VAV3: variants seen among roughly 807,000 people sequenced by gnomAD.
The protein encoded by VAV3 is guanine nucleotide exchange factor VAV3.
A neutral mutation model predicts 131.2 loss-of-function variants in VAV3; 94 were observed. The ratio of observed to expected loss-of-function variants is 0.72; its 90% CI spans 0.61 to 0.85. VAV3 has a LOEUF of 0.85. VAV3 is among the 40% of genes least tolerant of loss of function. The pLI, the probability that VAV3 is intolerant of heterozygous loss-of-function variation, is 0.00. For synonymous variants in VAV3, 349 were observed against 342.0 expected, an observed-to-expected ratio of 1.02 and a Z score of -0.22; for missense variants, 939 against 1,002.7, an observed-to-expected ratio of 0.94 and a Z score of 0.86.
At chr1:107,782,239 A>C (rs1178190083) in intron 2 of VAV3, among the ~76,000 whole-genome samples, 1 of 152,206 alleles carries the variant, frequency 6.6e-6, no homozygotes, top group Non-Finnish European at 1.5e-5. Flanking sequence ...TTACTCCTTG[A>C]GGATATTTTC....
chr1:107,902,570 T>C (rs1671912913), intron 1 of VAV3, among the ~76,000 whole-genome samples: 1 of 152,214 alleles, frequency 6.6e-6, no homozygotes. Flanking sequence ...CTCCATAATA[T>C]GCATTTATTC....
chr1:107,712,129 C>T (rs1660824331), intron 15 of VAV3, among the ~76,000 whole-genome samples: 1 of 152,200 alleles, frequency 6.6e-6, no homozygotes, highest in Non-Finnish European at 1.5e-5. Flanking sequence ...TACTCTCTCT[C>T]ACACGCACAC....
At chr1:107,732,515 T>C (rs1557802487) in intron 15 of VAV3, among the ~76,000 whole-genome samples, 1 of 152,200 alleles carries the variant, frequency 6.6e-6, no homozygotes, top group African/African-American at 2.4e-5. Flanking sequence ...GCCTTAATAC[T>C]ACGCTTTTCC....
chr1:107,655,054 T>C (rs1206706378), intron 19 of VAV3, among the ~76,000 whole-genome samples: 1 of 152,046 alleles, frequency 6.6e-6, no homozygotes, highest in East Asian at 1.9e-4. Flanking sequence ...AATAAAACTT[T>C]TATTTCTGCC....
intron 20 of VAV3, among the ~76,000 whole-genome samples, chr1:107,622,581 C>G (rs1653689487): frequency 6.6e-6 from 1 of 152,118 alleles, no homozygotes. Flanking sequence ...TAGCACTGAA[C>G]AATTTGAAAC....
chr1:107,783,617 C>T lies in VAV3; in HGVS notation c.322-4125G>A, dbSNP rs559276338. Among the ~76,000 whole-genome samples, 5 of 152,222 alleles carry T rather than the reference C, an allele frequency of 3.3e-5. No individual in the cohort carries two copies. The South Asian group carries it at 8.3e-4, about 25-fold the overall frequency. ...CATGGTGGACATGTACCATCCTGAACCCAGTGAGGCCACCCACTCCTCCAC... is the reference window on the plus strand; with the variant it reads ...CATGGTGGACATGTACCATCCTGAATCCAGTGAGGCCACCCACTCCTCCAC... On this transcript the variant is annotated intron_variant, in intron 2 of 26. Transcript: ENST00000370056.
chr1:107,622,694 C>A (rs1047592006), intron 20 of VAV3, among the ~76,000 whole-genome samples: 2 of 152,138 alleles, frequency 1.3e-5, no homozygotes, highest in African/African-American at 2.4e-5. Context: ...AATGTATGCA[C>A]GATGGTGCTG....
intron 25 of VAV3, among the ~76,000 whole-genome samples, chr1:107,590,165 G>T (rs1558070553): frequency 2.0e-5 from 3 of 152,152 alleles, no homozygotes; most frequent in Non-Finnish European, 4.4e-5. Context: ...AGTAGCCTTT[G>T]TCAATCTTTG....
chr1:107,828,995 T>C (rs1042139146), intron 2 of VAV3, among the ~76,000 whole-genome samples: 1 of 152,174 alleles, frequency 6.6e-6, no homozygotes, highest in Admixed American at 6.5e-5. Flanking sequence ...GGTGAGTAAA[T>C]GTCAAGAATT....
intron 1 of VAV3, among the ~76,000 whole-genome samples, chr1:107,941,206 C>A (rs1024292326): frequency 1.3e-5 from 2 of 152,142 alleles, no homozygotes; most frequent in African/African-American, 4.8e-5. Flanking sequence ...CTTTCTTTCC[C>A]AGCCCGCACA....
chr1:107,656,536 A>G (rs979466068), intron 19 of VAV3, among the ~76,000 whole-genome samples: 3 of 152,164 alleles, frequency 2.0e-5, no homozygotes, highest in Non-Finnish European at 2.9e-5. Context: ...CTGATGTTCA[A>G]TAGATCAGTA....
intron 18 of VAV3, 58 bp downstream of exon 18, chr1:107,688,323 G>A: frequency 6.3e-7 from 1 of 1,583,836 alleles, no homozygotes; most frequent in African/African-American, 1.4e-5. Context: ...GCCTGGTTAA[G>A]TTAGCAAACA....
Position 107,751,682 on chromosome 1 carries a change from C to T in VAV3, c.1174-480G>A, listed in dbSNP as rs763046810. On this transcript the variant is annotated intron_variant, in intron 12 of 26. Coordinates refer to ENST00000370056, the MANE Select transcript of VAV3 (RefSeq NM_006113.5). ...AGGAGTACAGAAAGGGGCGGGGGGG[C>T]GCGCGCTAATTTGGTCTATAAAGTC... Among the ~76,000 whole-genome samples, 5 of 150,482 alleles carry T rather than the reference C, an allele frequency of 3.3e-5. No individual in the cohort carries two copies. In the South Asian group the frequency reaches 6.3e-4, roughly 19 times the overall value.
chr1:107,716,858 C>T (rs191960616), intron 15 of VAV3, among the ~76,000 whole-genome samples: 462 of 152,242 alleles, frequency 3.0e-3, no homozygotes, highest in Non-Finnish European at 5.0e-3. Flanking sequence ...GCTGTGAATC[C>T]GTCTGGTCCT....
At chr1:107,620,444 A>C (rs1245296018) in intron 20 of VAV3, among the ~76,000 whole-genome samples, 1 of 152,324 alleles carries the variant, frequency 6.6e-6, no homozygotes, top group Admixed American at 6.5e-5. Context: ...AACATGCGAT[A>C]CAGGTTTGTA....
At chr1:107,623,901 T>C (rs1377380392) in intron 20 of VAV3, among the ~76,000 whole-genome samples, 3 of 152,208 alleles carry the variant, frequency 2.0e-5, no homozygotes, top group African/African-American at 7.2e-5. Context: ...GTGGCTGTCA[T>C]TGGCTTAGAA....
At chr1:107,925,735 A>G (rs980559856) in intron 1 of VAV3, among the ~76,000 whole-genome samples, 8 of 152,132 alleles carry the variant, frequency 5.3e-5, no homozygotes, top group African/African-American at 1.9e-4. Context: ...ATTTGGGAAG[A>G]TGAGCTCTGG....
intron 20 of VAV3, among the ~76,000 whole-genome samples, chr1:107,620,488 G>A (rs1056075216): frequency 1.3e-5 from 2 of 152,076 alleles, no homozygotes; most frequent in Non-Finnish European, 2.9e-5. Context: ...CGTAGCCTAG[G>A]TGTGTAGTAG....
At chr1:107,849,948 T>C (rs1283490396) in intron 2 of VAV3, among the ~76,000 whole-genome samples, 1 of 152,216 alleles carries the variant, frequency 6.6e-6, no homozygotes. Context: ...AAGACATTTA[T>C]GTGGCCAACA....
Sources: gnomAD v4.1 joint callset for allele counts (sites outside exome capture counted in the v4.1 genomes callset) on GRCh38, gnomAD v4.1.1 for gene constraint, MANE v1.5 for transcripts, NCBI Gene and HGNC (gene_info 2026-07-23, HGNC 2026-07-21) for gene names.